Variants in FMNL2 observed in about 807,000 individuals in gnomAD.
FMNL2 encodes the protein formin like 2.
Under a neutral mutation model 130.2 loss-of-function variants are expected in FMNL2, and 51 were observed. The observed-to-expected ratio is 0.39, with a 90% CI of 0.31 to 0.49. The LOEUF is 0.49. Among genes scored for constraint, FMNL2 ranks in the 20% least tolerant of loss-of-function variants. The pLI is 0.85. For synonymous variants in FMNL2, 465 were observed against 467.1 expected (o/e 1.00, Z 0.06); for missense variants, 977 against 1,316.2 (o/e 0.74, Z 3.99).
rs539610851 is a variant in FMNL2 at position 152,383,098 on chromosome 2, T to C, written c.117+47378T>C. 7.2e-5 allele frequency among the ~76,000 whole-genome samples: 11 copies of C among 152,142 alleles called. No individual in the cohort carries two copies. The South Asian group carries it at 2.3e-3, about 32-fold the overall frequency. The stretch of plus-strand genomic sequence containing the variant: ...CGACTAAGTTACTGGCTTAAAAAAA[T>C]AGGAGTGTGGTGAGGGAGAGACCAA... On this transcript the variant is annotated intron_variant, in intron 1 of 25. Coordinates refer to ENST00000288670, the MANE Select transcript of FMNL2 (RefSeq NM_052905.4).
chr2:152,467,131 G>A (rs1004799664), intron 1 of FMNL2, among the ~76,000 whole-genome samples: 3 of 152,248 alleles, frequency 2.0e-5, no homozygotes, highest in South Asian at 2.1e-4. Flanking sequence ...AGTAAGCCCC[G>A]TTTCCTGGGC....
intron 9 of FMNL2, among the ~76,000 whole-genome samples, chr2:152,598,657 T>C (rs1227759102): frequency 7.5e-6 from 1 of 133,068 alleles, no homozygotes; most frequent in Non-Finnish European, 1.8e-5. Context: ...GCCACTGCAC[T>C]CCAGCCTGGG....
chr2:152,422,111 C>A (rs922890256), intron 1 of FMNL2, among the ~76,000 whole-genome samples: 1 of 152,188 alleles, frequency 6.6e-6, no homozygotes, highest in African/African-American at 2.4e-5. Flanking sequence ...AAACCTGCTG[C>A]CTCCCATGTT....
chr2:152,477,934 A>G (rs1248280302), intron 1 of FMNL2, among the ~76,000 whole-genome samples: 3 of 152,130 alleles, frequency 2.0e-5, no homozygotes. Flanking sequence ...GTAGATTTTA[A>G]TGAGTCAGCA....
At position 152,632,000 on chromosome 2, in the gene FMNL2, GT is replaced by G; in HGVS notation, c.2551-4del. The G allele has an allele frequency of 1.2e-6, 2 of 1,608,722 alleles. No homozygotes were observed. The highest frequency in any genetic ancestry group is 1.1e-5 in the South Asian group (1 of 89,742). ...TTGTACCTAACCCACGTTCCCTTTT[GT>G]TTTCAGCTCTTAGATACAAAGTCAA... is the stretch of plus-strand genomic sequence containing the variant. On this transcript the variant is annotated splice_polypyrimidine_tract_variant and splice_region_variant and intron_variant, in intron 20 of 25. Transcript: ENST00000288670.
chr2:152,442,211 T>C (rs146355311), intron 1 of FMNL2, among the ~76,000 whole-genome samples: 1 of 152,180 alleles, frequency 6.6e-6, no homozygotes, highest in Non-Finnish European at 1.5e-5. Flanking sequence ...TAATGAGCCA[T>C]GCTTCTCACT....
At chr2:152,608,203 G>A (rs1580085542) in intron 10 of FMNL2, among the ~76,000 whole-genome samples, 1 of 152,046 alleles carries the variant, frequency 6.6e-6, no homozygotes, top group African/African-American at 2.4e-5. Flanking sequence ...TAACCGGGCT[G>A]TAATTTCCCA....
intron 1 of FMNL2, among the ~76,000 whole-genome samples, chr2:152,417,554 A>C (rs1686682660): frequency 6.6e-6 from 1 of 152,174 alleles, no homozygotes; most frequent in Non-Finnish European, 1.5e-5. Flanking sequence ...ATCTGTGCAC[A>C]TCACCCAAGG....
intron 4 of FMNL2, among the ~76,000 whole-genome samples, chr2:152,549,723 A>G (rs919730746): frequency 1.3e-5 from 2 of 152,212 alleles, no homozygotes; most frequent in African/African-American, 4.8e-5. Flanking sequence ...GAACAGCAAT[A>G]TTATATTCTC....
chr2:152,506,229 C>G (rs1415766119), intron 1 of FMNL2, among the ~76,000 whole-genome samples: 1 of 152,082 alleles, frequency 6.6e-6, no homozygotes, highest in African/African-American at 2.4e-5. Flanking sequence ...TTCTCATATG[C>G]AGCTTAAGAT....
intron 9 of FMNL2, among the ~76,000 whole-genome samples, chr2:152,582,363 C>G (rs377550671): frequency 7.9e-5 from 12 of 152,364 alleles, no homozygotes; most frequent in African/African-American, 2.6e-4. Flanking sequence ...TGGGAAGCTT[C>G]AAAGATGTGA....
At chr2:152,517,740 A>G (rs1475198495) in intron 1 of FMNL2, among the ~76,000 whole-genome samples, 1 of 152,228 alleles carries the variant, frequency 6.6e-6, no homozygotes, top group Non-Finnish European at 1.5e-5. Context: ...GAACTTTTCA[A>G]TTCAAATATC....
At chr2:152,435,359 C>A (rs952888359) in intron 1 of FMNL2, among the ~76,000 whole-genome samples, 1 of 152,260 alleles carries the variant, frequency 6.6e-6, no homozygotes, top group South Asian at 2.1e-4. Flanking sequence ...ATGTAAAAAT[C>A]ATTCAGAAAA....
intron 1 of FMNL2, among the ~76,000 whole-genome samples, chr2:152,353,816 G>A (rs1700277482): frequency 6.6e-6 from 1 of 152,220 alleles, no homozygotes. Flanking sequence ...GGTCCAAGCT[G>A]TGGACTTTAA....
chr2:152,632,373 C>T (rs1234644163), intron 21 of FMNL2, among the ~76,000 whole-genome samples: 2 of 152,230 alleles, frequency 1.3e-5, no homozygotes, highest in Non-Finnish European at 2.9e-5. Context: ...CACTGAGCGT[C>T]ATGTCCCTTC....
intron 1 of FMNL2, among the ~76,000 whole-genome samples, chr2:152,409,681 C>T (rs999144157): frequency 5.9e-5 from 9 of 152,188 alleles, no homozygotes; most frequent in African/African-American, 1.2e-4. Context: ...ATGCAGTAAT[C>T]GGACCCTGAT....
intron 1 of FMNL2, among the ~76,000 whole-genome samples, chr2:152,499,542 T>G (rs1192820372): frequency 2.0e-5 from 3 of 152,118 alleles, no homozygotes; most frequent in Non-Finnish European, 4.4e-5. Context: ...TAGACAGAAG[T>G]GAAAAAAAGG....
chr2:152,445,300 C>G (rs1688274545), intron 1 of FMNL2, among the ~76,000 whole-genome samples: 1 of 152,210 alleles, frequency 6.6e-6, no homozygotes, highest in African/African-American at 2.4e-5. Flanking sequence ...GGGAAACGCC[C>G]TTGAGATTCT....
At chr2:152,371,668 C>CAAAAA (rs71394476) in intron 1 of FMNL2, among the ~76,000 whole-genome samples, 10 of 66,020 alleles carry the variant, frequency 1.5e-4, no homozygotes, top group African/African-American at 2.5e-4. Context: ...GACTCTGTCT[C>CAAAAA]AAAAAAAAAA....
Sources: gnomAD v4.1 joint callset for allele counts (sites outside exome capture counted in the v4.1 genomes callset) on GRCh38, gnomAD v4.1.1 for gene constraint, MANE v1.5 for transcripts, NCBI Gene and HGNC (gene_info 2026-07-23, HGNC 2026-07-21) for gene names.